ZNF423: variants seen among roughly 807,000 people sequenced by gnomAD.
The protein encoded by ZNF423 is zinc finger protein 423, also known as Ebf-associated zinc finger protein.
In ZNF423, 12 loss-of-function variants were observed where a neutral mutation model predicts 95.8. The ratio of observed to expected loss-of-function variants is 0.13; its 90% confidence interval spans 0.08 to 0.20. The LOEUF is 0.20. ZNF423 is among the 10% of genes least tolerant of loss of function. The probability of loss-of-function intolerance (pLI) is 1.00; values close to 1 mark genes in which losing one functional copy is unlikely to be tolerated. For synonymous variants in ZNF423, 749 were observed against 711.9 expected (o/e 1.05, Z -0.83); for missense variants, 1,316 against 1,737.1 (o/e 0.76, Z 4.31).
chr16:49,544,808 C>T (rs969620199), intron 5 of ZNF423, among the ~76,000 whole-genome samples: 5 of 152,250 alleles, frequency 3.3e-5, no homozygotes, highest in Non-Finnish European at 7.3e-5. Flanking sequence ...CATCAGACAT[C>T]AAGACGTAAC....
At chr16:49,821,900 G>A (rs1000373591) in intron 1 of ZNF423, among the ~76,000 whole-genome samples, 6 of 152,196 alleles carry the variant, frequency 3.9e-5, no homozygotes, top group Non-Finnish European at 8.8e-5. Flanking sequence ...GAGGTCTGCT[G>A]TGCACAACCA....
intron 5 of ZNF423, among the ~76,000 whole-genome samples, chr16:49,609,349 A>G (rs1263695113): frequency 6.6e-6 from 1 of 152,216 alleles, no homozygotes; most frequent in African/African-American, 2.4e-5. Context: ...CAAGATCTCA[A>G]ATTCAATGGC....
chr16:49,779,809 G>C (rs1316252131), intron 2 of ZNF423, among the ~76,000 whole-genome samples: 2 of 152,200 alleles, frequency 1.3e-5, no homozygotes, highest in Admixed American at 1.3e-4. Flanking sequence ...GAGCACCCCA[G>C]CTTTGGAGAA....
intron 2 of ZNF423, among the ~76,000 whole-genome samples, chr16:49,753,169 G>A (rs185252363): frequency 2.0e-5 from 3 of 151,302 alleles, no homozygotes; most frequent in African/African-American, 7.3e-5. Flanking sequence ...ACTTGAACCC[G>A]GGAGGCAGAG....
chr16:49,592,870 A>T (rs1971053073), intron 5 of ZNF423, among the ~76,000 whole-genome samples: 1 of 152,208 alleles, frequency 6.6e-6, no homozygotes, highest in Non-Finnish European at 1.5e-5. Flanking sequence ...CGATGCCCAG[A>T]TTCACAGGCT....
At chr16:49,831,423 C>G (rs2035059917) in intron 1 of ZNF423, among the ~76,000 whole-genome samples, 1 of 152,092 alleles carries the variant, frequency 6.6e-6, no homozygotes, top group Admixed American at 6.6e-5. Flanking sequence ...CCAGTATCTC[C>G]AATTATTTAC....
chr16:49,812,092 CT>C (rs776107367), intron 1 of ZNF423, among the ~76,000 whole-genome samples: 1 of 152,252 alleles, frequency 6.6e-6, no homozygotes, highest in Non-Finnish European at 1.5e-5. Context: ...ACACAGAGCA[CT>C]TGTGTCACCT....
chr16:49,577,043 A>C (rs962661827), intron 5 of ZNF423, among the ~76,000 whole-genome samples: 3 of 152,180 alleles, frequency 2.0e-5, no homozygotes, highest in African/African-American at 2.4e-5. Context: ...AATGGATGTG[A>C]CAACATTAAA....
chr16:49,487,590 A>G lies in ZNF423; in HGVS notation c.*3685T>C, dbSNP rs960245839. The G allele has an allele frequency of 6.6e-6, 1 of 152,196 alleles. No individual in the cohort carries two copies. Among genetic ancestry groups the G allele is most frequent in the Non-Finnish European group, 1.5e-5 (1 of 68,040 alleles). 9.4% of individuals were successfully genotyped at this position (152,196 alleles called of 1,614,324 possible). A position where few individuals can be genotyped will look rare whatever the true frequency, so the allele number is the denominator to read the frequency against. On this transcript the variant is annotated 3_prime_UTR_variant, in exon 8 of 8. Coordinates refer to ENST00000563137, the MANE Select transcript of ZNF423 (RefSeq NM_001379286.1). ...CATGATTGTTATAATAAAATTAACA[A>G]TGGAGTCAGACACCCCAGGCTGGAA... is the stretch of plus-strand genomic sequence containing the variant.
At chr16:49,573,470 A>G (rs1022647281) in intron 5 of ZNF423, among the ~76,000 whole-genome samples, 1 of 152,202 alleles carries the variant, frequency 6.6e-6, no homozygotes, top group African/African-American at 2.4e-5. Context: ...GCAAAGTCCA[A>G]GAGCACAGAG....
intron 7 of ZNF423, among the ~76,000 whole-genome samples, chr16:49,508,048 C>A (rs1344529): frequency 0.42 from 63,328 of 152,040 alleles, 13,728 homozygotes; most frequent in African/African-American, 0.54. Context: ...CCAGCATTAA[C>A]CAGCTCTGAG....
At chr16:49,542,915 G>T (rs932640209) in intron 5 of ZNF423, among the ~76,000 whole-genome samples, 1 of 152,128 alleles carries the variant, frequency 6.6e-6, no homozygotes, top group Non-Finnish European at 1.5e-5. Context: ...AGGGTGCAGC[G>T]AGAGGTTCTG....
At chr16:49,705,728 A>G (rs34956293) in intron 3 of ZNF423, among the ~76,000 whole-genome samples, 19,535 of 152,080 alleles carry the variant, frequency 0.13, 1,561 homozygotes, top group Non-Finnish European at 0.18. Context: ...TTGTCTTTTT[A>G]GTAGAGATGG....
rs776280246 is a variant in ZNF423 at position 49,637,919 on chromosome 16, G to A, written c.1257C>T (p.Cys419=). ...GQGWTKVVYS[C]PYCSKRDFNS... is the part of the protein sequence containing the mutation. ...TAAAGTCCCGCTTGGAACAATAGGG[G>A]CAGCTATAGACCACCTTGGTCCAGC... Residue 419 remains cysteine (C), a synonymous_variant, in exon 4 of 8, where the codon TGC becomes TGT. Transcript: ENST00000563137. This position sits in a 1 kb window ranked among gnomAD's most constrained non-coding sequence, Gnocchi z 5.6. 5 of 1,614,070 alleles carry A rather than the reference G, an allele frequency of 3.1e-6. No individual in the cohort carries two copies. In the African/African-American group the frequency reaches 4.0e-5, roughly 13 times the overall value.
intron 1 of ZNF423, among the ~76,000 whole-genome samples, chr16:49,824,186 C>T (rs1293274874): frequency 6.6e-6 from 1 of 152,104 alleles, no homozygotes; most frequent in Non-Finnish European, 1.5e-5. Context: ...CCCTATCATG[C>T]TTCTAAGCTA....
At position 49,488,613 on chromosome 16, in the gene ZNF423, C is replaced by G. The variant is rs1966877693; in HGVS notation, c.*2662G>C. ...TGATGACCATGCTGCTTACAGGTCT[C>G]TGTGTGCAGCCCTTTGTCAGGCATC... On this transcript the variant is annotated 3_prime_UTR_variant, in exon 8 of 8. Transcript: ENST00000563137. The G allele has an allele frequency of 6.6e-6, 1 of 152,372 alleles. No individual in the cohort carries two copies. Among genetic ancestry groups the G allele is most frequent in the East Asian group, 1.9e-4 (1 of 5,188 alleles). The allele number at this position is 152,372 out of a possible 1,614,324, so 9.4% of individuals were successfully genotyped here.
intron 3 of ZNF423, among the ~76,000 whole-genome samples, chr16:49,644,220 GC>G (rs1391226540): frequency 6.6e-6 from 1 of 152,140 alleles, no homozygotes; most frequent in Non-Finnish European, 1.5e-5. Flanking sequence ...GTGAACTCCT[GC>G]CATCGAAGCT....
At chr16:49,696,664 T>G in intron 3 of ZNF423, among the ~76,000 whole-genome samples, 1 of 93,824 alleles carries the variant, frequency 1.1e-5, no homozygotes, top group South Asian at 3.4e-4. Flanking sequence ...CCCGGCTACC[T>G]CCCCCTCATT....
intron 5 of ZNF423, among the ~76,000 whole-genome samples, chr16:49,539,258 GATGC>G (rs1969166078): frequency 6.6e-6 from 1 of 152,188 alleles, no homozygotes; most frequent in African/African-American, 2.4e-5. Flanking sequence ...TGGGTCCACA[GATGC>G]CACTCTTCAT....
Sources: allele counts gnomAD v4.1 joint callset (sites outside exome capture counted in the v4.1 genomes callset), GRCh38; gene constraint gnomAD v4.1.1; non-coding constraint Gnocchi (gnomAD v3.1); transcripts MANE v1.5; gene names NCBI Gene and HGNC (gene_info 2026-07-23, HGNC 2026-07-21).